TACR1: variants seen among roughly 807,000 people sequenced by gnomAD.
The protein encoded by TACR1 is substance-P receptor.
Under a neutral mutation model 35.8 loss-of-function variants are expected in TACR1, and 25 were observed. The observed-to-expected ratio is 0.70, with a 90% CI of 0.51 to 0.98. TACR1 has a LOEUF of 0.98. Among genes scored for constraint, TACR1 ranks in the 50% least tolerant of loss-of-function variants. The pLI, the probability that TACR1 is intolerant of heterozygous loss-of-function variation, is 0.00. For synonymous variants in TACR1, 195 were observed against 206.7 expected, an observed-to-expected ratio of 0.94 and a Z score of 0.48; for missense variants, 478 against 522.9, an observed-to-expected ratio of 0.91 and a Z score of 0.84.
chr2:75,113,490 A>G (rs1572937620), intron 2 of TACR1, among the ~76,000 whole-genome samples: 1 of 134,804 alleles, frequency 7.4e-6, no homozygotes. Context: ...CAACCTTCCT[A>G]GTTTCTGCAG....
In TACR1 at chr2:75,148,936, A is replaced by G. The variant is rs1051331608; in HGVS notation, c.390-28168T>C. ...AAGGGGTCCAGTTTCAATTCTCTGCATATGGCTAGCCAGTTTTCCCAGCAC... is the reference window on the plus strand; with the variant it reads ...AAGGGGTCCAGTTTCAATTCTCTGCGTATGGCTAGCCAGTTTTCCCAGCAC... On this transcript the variant is annotated intron_variant, in intron 1 of 4. Coordinates refer to ENST00000305249, the MANE Select transcript of TACR1 (RefSeq NM_001058.4). Among the ~76,000 whole-genome samples the G allele has an allele frequency of 2.6e-5, 4 of 152,232 alleles. No homozygotes were observed. In the South Asian group the frequency reaches 8.3e-4, roughly 31 times the overall value.
chr2:75,132,478 T>A (rs943535312), intron 1 of TACR1, among the ~76,000 whole-genome samples: 4 of 152,200 alleles, frequency 2.6e-5, no homozygotes, highest in African/African-American at 7.2e-5. Context: ...TGTCTAGTCA[T>A]TCTTTATAAT....
At chr2:75,081,403 T>C (rs1219840589) in intron 2 of TACR1, among the ~76,000 whole-genome samples, 2 of 152,218 alleles carry the variant, frequency 1.3e-5, no homozygotes, top group Admixed American at 1.3e-4. Context: ...ACCCTCATTA[T>C]GCTGTTAGAC....
chr2:75,051,137 C>T (rs1409090377), intron 4 of TACR1, 114 bp downstream of exon 4: 1 of 1,357,316 alleles, frequency 7.4e-7, no homozygotes, highest in East Asian at 2.3e-5. Context: ...CTGCAGTCCC[C>T]ACTTGTCCCT....
At chr2:75,179,395 C>T (rs531972084) in intron 1 of TACR1, among the ~76,000 whole-genome samples, 6 of 152,306 alleles carry the variant, frequency 3.9e-5, no homozygotes, top group African/African-American at 1.4e-4. Context: ...ACTGGTCTTC[C>T]TGCTTCCACT....
chr2:75,113,704 G>C (rs1021972822), intron 2 of TACR1, among the ~76,000 whole-genome samples: 1 of 151,990 alleles, frequency 6.6e-6, no homozygotes, highest in Non-Finnish European at 1.5e-5. Context: ...GCTCTGGGCT[G>C]TATTTATAAG....
rs141097387 is a variant in TACR1 at position 75,114,499 on chromosome 2, G to A, written c.584+6075C>T. On this transcript the variant is annotated intron_variant, in intron 2 of 4. Coordinates refer to ENST00000305249, the MANE Select transcript of TACR1 (RefSeq NM_001058.4). ...GGGGCATTGCCCTAGTACCTTCTGA[G>A]ACCATTGCCACCCTACAGCCCACAT... is the stretch of plus-strand genomic sequence containing the variant. Among the ~76,000 whole-genome samples the A allele has an allele frequency of 2.0e-3, 299 of 152,260 alleles. 1 individual carries two copies. Among genetic ancestry groups the A allele is most frequent in the African/African-American group, 6.7e-3 (279 of 41,554 alleles).
chr2:75,172,279 G>A (rs1184094378), intron 1 of TACR1, among the ~76,000 whole-genome samples: 4 of 152,130 alleles, frequency 2.6e-5, no homozygotes, highest in Admixed American at 1.3e-4. Context: ...AATCTGGAAG[G>A]CACCCTGAAC....
chr2:75,186,371 C>CAAAAAAAAAAAAAAAAAAA (rs373147504), intron 1 of TACR1, among the ~76,000 whole-genome samples: 1 of 81,828 alleles, frequency 1.2e-5, no homozygotes, highest in African/African-American at 4.7e-5. Context: ...GACTCTGTCT[C>CAAAAAAAAAAAAAAAAAAA]AAAAAAAAAA....
At chr2:75,194,327 T>C (rs1409049893) in intron 1 of TACR1, among the ~76,000 whole-genome samples, 1 of 152,210 alleles carries the variant, frequency 6.6e-6, no homozygotes, top group Non-Finnish European at 1.5e-5. Context: ...TTGTGGCCAA[T>C]GAGCTTCTAG....
chr2:75,109,571 A>G (rs1572935482), intron 2 of TACR1, among the ~76,000 whole-genome samples: 1 of 152,340 alleles, frequency 6.6e-6, no homozygotes, highest in East Asian at 1.9e-4. Flanking sequence ...TGGAAATTCA[A>G]AGTAATTCCA....
chr2:75,100,348 TA>T (rs1217459001), intron 2 of TACR1, among the ~76,000 whole-genome samples: 1 of 152,276 alleles, frequency 6.6e-6, no homozygotes, highest in Non-Finnish European at 1.5e-5. Context: ...TTATTATTTT[TA>T]AATTTAGTTT....
At position 75,094,860 on chromosome 2, in the gene TACR1, T is replaced by TATATATATATATATATATA. The variant is rs1491102755; in HGVS notation, c.584+25713_584+25714insTATATATATATATATATAT. Among the ~76,000 whole-genome samples, 57 of 50,356 alleles carry TATATATATATATATATATA rather than the reference T, an allele frequency of 1.1e-3. 1 individual carries two copies. The highest frequency in any genetic ancestry group is 5.4e-3 in the East Asian group (15 of 2,754). The allele number at this position is 50,356 out of a possible 152,430, so 33.0% of individuals were successfully genotyped here. On this transcript the variant is annotated intron_variant, in intron 2 of 4. Coordinates refer to ENST00000305249, the MANE Select transcript of TACR1 (RefSeq NM_001058.4). ...AAACATATATATATATATATATATA[T>TATATATATATATATATATA]TTTTTTTTTTTTTGCCCAAGATGGC... is the stretch of plus-strand genomic sequence containing the variant.
chr2:75,071,529 A>G (rs561172189), intron 2 of TACR1, among the ~76,000 whole-genome samples: 3 of 152,300 alleles, frequency 2.0e-5, no homozygotes, highest in Admixed American at 1.3e-4. Flanking sequence ...TTTCGTGCAC[A>G]TTAGCTTTAC....
At chr2:75,071,568 C>A (rs962826212) in intron 2 of TACR1, among the ~76,000 whole-genome samples, 2 of 149,586 alleles carry the variant, frequency 1.3e-5, no homozygotes, top group Non-Finnish European at 2.9e-5. Context: ...CTCCTATAAA[C>A]CAGAGACCTC....
At chr2:75,104,225 G>C (rs143023105) in intron 2 of TACR1, among the ~76,000 whole-genome samples, 260 of 151,938 alleles carry the variant, frequency 1.7e-3, no homozygotes, top group African/African-American at 6.1e-3. Flanking sequence ...AAAAAGATAC[G>C]CCATCCAAAC....
chr2:75,089,096 C>A (rs1673247602), intron 2 of TACR1, among the ~76,000 whole-genome samples: 1 of 152,208 alleles, frequency 6.6e-6, no homozygotes, highest in South Asian at 2.1e-4. Flanking sequence ...ATGTGCTGCC[C>A]TTTGGCCTAG....
intron 1 of TACR1, among the ~76,000 whole-genome samples, chr2:75,177,826 G>A (rs890494377): frequency 6.6e-6 from 1 of 152,166 alleles, no homozygotes; most frequent in Non-Finnish European, 1.5e-5. Context: ...CAAATCTCAA[G>A]GCATGCTTCA....
intron 2 of TACR1, chr2:75,118,706 A>G (rs1673910057): frequency 6.6e-6 from 1 of 152,240 alleles, no homozygotes; most frequent in South Asian, 2.1e-4. Context: ...TTGAAACAAA[A>G]GTTGTAGAAA....
Sources: gnomAD v4.1 joint callset for allele counts (sites outside exome capture counted in the v4.1 genomes callset) on GRCh38, gnomAD v4.1.1 for gene constraint, MANE v1.5 for transcripts, NCBI Gene and HGNC (gene_info 2026-07-23, HGNC 2026-07-21) for gene names.